ENOX1: variants seen among roughly 807,000 people sequenced by gnomAD.
ENOX1 encodes candidate growth-related and time keeping constitutive hydroquinone (NADH) oxidase.
Under a neutral mutation model 82.5 loss-of-function variants are expected in ENOX1, and 42 were observed. The observed-to-expected ratio is 0.51, with a 90% CI of 0.40 to 0.66. ENOX1 has a LOEUF of 0.66. ENOX1 is among the 30% of genes least tolerant of loss of function. The pLI, the probability that ENOX1 is intolerant of heterozygous loss-of-function variation, is 0.00. For synonymous variants in ENOX1, 271 were observed against 282.2 expected (o/e 0.96, Z 0.40); for missense variants, 608 against 811.6 (o/e 0.75, Z 3.05).
intron 8 of ENOX1, among the ~76,000 whole-genome samples, chr13:43,355,622 T>C (rs1281814338): frequency 6.6e-6 from 1 of 152,146 alleles, no homozygotes; most frequent in Non-Finnish European, 1.5e-5. Context: ...TCAGTGAGTT[T>C]TGTTGAGTGA....
In ENOX1 at chr13:43,494,818, T is replaced by C. The variant is rs74062875; in HGVS notation, c.-218-10666A>G. The stretch of plus-strand genomic sequence containing the variant: ...GGAAAAAAGGCTATTGCTATTTGAA[T>C]AGGTCAGTTAGACAGCAGTGGAAAT... On this transcript the variant is annotated intron_variant, in intron 2 of 16. Coordinates refer to ENST00000690772, the MANE Select transcript of ENOX1 (RefSeq NM_001347969.2). 7.3e-3 allele frequency among the ~76,000 whole-genome samples: 1,112 copies of C among 152,258 alleles called. 15 individuals are homozygous for C. Among genetic ancestry groups the C allele is most frequent in the African/African-American group, 0.026 (1,078 of 41,538 alleles).
At chr13:43,367,450 T>C (rs2050921181) in intron 5 of ENOX1, among the ~76,000 whole-genome samples, 1 of 151,944 alleles carries the variant, frequency 6.6e-6, no homozygotes, top group Non-Finnish European at 1.5e-5. Context: ...CCTTATAAGA[T>C]GAGGAGAAAA....
intron 1 of ENOX1, among the ~76,000 whole-genome samples, chr13:43,681,175 T>C (rs2085764448): frequency 6.6e-6 from 1 of 152,160 alleles, no homozygotes; most frequent in African/African-American, 2.4e-5. Context: ...TTCTTTGCTT[T>C]TCTTTCCCAT....
At chr13:43,674,975 G>A (rs2085439311) in intron 1 of ENOX1, among the ~76,000 whole-genome samples, 1 of 152,174 alleles carries the variant, frequency 6.6e-6, no homozygotes, top group African/African-American at 2.4e-5. Context: ...GCCCAGCTTG[G>A]CTAAAGCACA....
intron 11 of ENOX1, among the ~76,000 whole-genome samples, chr13:43,302,922 T>C (rs948056816): frequency 2.6e-5 from 4 of 152,242 alleles, no homozygotes; most frequent in African/African-American, 7.2e-5. Context: ...TCTGTTAATA[T>C]CTTTTTCATG....
intron 5 of ENOX1, among the ~76,000 whole-genome samples, chr13:43,381,494 A>AAAAGAGC (rs1555252011): frequency 6.6e-6 from 1 of 151,012 alleles, no homozygotes; most frequent in East Asian, 1.9e-4. Flanking sequence ...CCTTAAAAAA[A>AAAAGAGC]AAAGAGCAAA....
intron 2 of ENOX1, among the ~76,000 whole-genome samples, chr13:43,501,336 C>G (rs1198432779): frequency 1.3e-5 from 2 of 151,740 alleles, no homozygotes; most frequent in Non-Finnish European, 3.0e-5. Context: ...AATAACTCAT[C>G]TTCAATATGG....
chr13:43,642,191 A>G (rs1392048473), intron 2 of ENOX1, among the ~76,000 whole-genome samples: 3 of 152,176 alleles, frequency 2.0e-5, no homozygotes, highest in Non-Finnish European at 4.4e-5. Flanking sequence ...TAGTTCTTTA[A>G]AAAGGGATAA....
intron 1 of ENOX1, among the ~76,000 whole-genome samples, chr13:43,782,642 TAAG>T (rs1952343821): frequency 6.6e-6 from 1 of 152,190 alleles, no homozygotes; most frequent in African/African-American, 2.4e-5. Flanking sequence ...GTTTTCTACT[TAAG>T]GAGTTATATT....
intron 3 of ENOX1, among the ~76,000 whole-genome samples, chr13:43,462,996 C>T (rs935771296): frequency 6.6e-6 from 1 of 152,146 alleles, no homozygotes; most frequent in African/African-American, 2.4e-5. Flanking sequence ...TTTGGATGAA[C>T]TATGTTGCCT....
chr13:43,289,177 C>G (rs1319487178), intron 12 of ENOX1, among the ~76,000 whole-genome samples: 1 of 151,996 alleles, frequency 6.6e-6, no homozygotes, highest in East Asian at 1.9e-4. Flanking sequence ...CTATTCCTAT[C>G]AAATTACTAA....
At chr13:43,379,560 T>A (rs2051885565) in intron 5 of ENOX1, among the ~76,000 whole-genome samples, 1 of 152,016 alleles carries the variant, frequency 6.6e-6, no homozygotes. Flanking sequence ...TAACAGCAGA[T>A]TTGATGATTT....
At chr13:43,715,795 C>T (rs535829834) in intron 1 of ENOX1, among the ~76,000 whole-genome samples, 3 of 152,270 alleles carry the variant, frequency 2.0e-5, no homozygotes, top group Admixed American at 6.5e-5. Flanking sequence ...ACGTAGTTCT[C>T]GAGCCTTGGC....
At chr13:43,344,805 T>A (rs1233901982) in intron 8 of ENOX1, 55 bp from the exon 9 acceptor site, 1 of 1,549,488 alleles carries the variant, frequency 6.5e-7, no homozygotes, top group Non-Finnish European at 8.9e-7. Flanking sequence ...AAATACACTT[T>A]ATTCTTGTTC....
At chr13:43,541,501 A>G (rs974088888) in intron 2 of ENOX1, among the ~76,000 whole-genome samples, 4 of 152,116 alleles carry the variant, frequency 2.6e-5, no homozygotes, top group Non-Finnish European at 5.9e-5. Flanking sequence ...AGCTGTTTCT[A>G]AAAAATAAGA....
intron 1 of ENOX1, among the ~76,000 whole-genome samples, chr13:43,733,372 C>A (rs2089447587): frequency 6.6e-6 from 1 of 152,110 alleles, no homozygotes; most frequent in African/African-American, 2.4e-5. Context: ...TGAAAAACAC[C>A]ATCAGTTCAG....
chr13:43,674,709 A>T (rs1048483169), intron 1 of ENOX1, among the ~76,000 whole-genome samples: 2 of 152,194 alleles, frequency 1.3e-5, no homozygotes, highest in Non-Finnish European at 2.9e-5. Context: ...ACAACACCAG[A>T]AACAAACCCT....
At chr13:43,648,972 AC>A (rs2084025360) in intron 2 of ENOX1, among the ~76,000 whole-genome samples, 1 of 152,152 alleles carries the variant, frequency 6.6e-6, no homozygotes, top group East Asian at 1.9e-4. Flanking sequence ...TCAGGGTTAG[AC>A]CCAGACACAG....
intron 5 of ENOX1, among the ~76,000 whole-genome samples, chr13:43,378,612 AG>A (rs1234068220): frequency 5.3e-5 from 8 of 152,332 alleles, no homozygotes; most frequent in Non-Finnish European, 1.0e-4. Flanking sequence ...GGACAAAACT[AG>A]CCCTAGACAA....
Sources: gnomAD v4.1 joint callset for allele counts (sites outside exome capture counted in the v4.1 genomes callset) on GRCh38, gnomAD v4.1.1 for gene constraint, MANE v1.5 for transcripts, NCBI Gene and HGNC (gene_info 2026-07-23, HGNC 2026-07-21) for gene names.